Variants in SIN3B observed in about 807,000 individuals in gnomAD.
SIN3B encodes paired amphipathic helix protein Sin3b.
SIN3B carries 19 observed loss-of-function variants against 120.2 expected under a neutral mutation model. The observed-to-expected ratio is 0.16, with a 90% CI of 0.11 to 0.23. The LOEUF is 0.23. SIN3B is among the 10% of genes least tolerant of loss of function. The probability of loss-of-function intolerance (pLI) is 1.00; values close to 1 mark genes in which losing one functional copy is unlikely to be tolerated. For missense variants in SIN3B, 1,073 were observed against 1,573.0 expected, an observed-to-expected ratio of 0.68 and a Z score of 5.38; for synonymous variants, 654 against 653.2, an observed-to-expected ratio of 1.00 and a Z score of -0.02.
intron 9 of SIN3B, chr19:16,863,322 G>GGCGA: frequency 2.8e-6 from 1 of 360,194 alleles, no homozygotes; most frequent in Non-Finnish European, 5.0e-6. Context: ...TTTTAAGAAT[G>GGCGA]CAGTGTAACA....
chr19:16,865,724 C>G, intron 11 of SIN3B, 76 bp downstream of exon 11: 1 of 1,011,328 alleles, frequency 9.9e-7, no homozygotes, highest in South Asian at 1.5e-5. Context: ...CCCCTCCCCA[C>G]TGCAGGGAGC....
chr19:16,875,853 TGTTTGGTCTGGTCTGGTCTG>T, intron 14 of SIN3B, 182 bp from the exon 15 acceptor site: 1 of 619,382 alleles, frequency 1.6e-6, no homozygotes, highest in Non-Finnish European at 2.8e-6. Flanking sequence ...TGGTCTGGTC[TGTTTGGTCTGGTCTGGTCTG>T]GTCTGGTCTG....
At chr19:16,839,362 A>T (rs1351087677) in intron 3 of SIN3B, among the ~76,000 whole-genome samples, 1 of 152,080 alleles carries the variant, frequency 6.6e-6, no homozygotes, top group Non-Finnish European at 1.5e-5. Flanking sequence ...CAATAATTCC[A>T]TGGTCAACCT....
At chr19:16,866,953 C>T (rs1971783763) in intron 12 of SIN3B, among the ~76,000 whole-genome samples, 1 of 152,170 alleles carries the variant, frequency 6.6e-6, no homozygotes, top group African/African-American at 2.4e-5. Context: ...GATGGGTTTT[C>T]ACCATGTTGG....
chr19:16,832,323 G>A (rs1352296351), intron 3 of SIN3B, among the ~76,000 whole-genome samples: 3 of 149,106 alleles, frequency 2.0e-5, no homozygotes, highest in African/African-American at 7.4e-5. Context: ...TCAGCCTCCC[G>A]AGTAGCTGGG....
intron 12 of SIN3B, among the ~76,000 whole-genome samples, chr19:16,868,922 G>A (rs148762696): frequency 2.6e-5 from 4 of 152,242 alleles, no homozygotes; most frequent in Non-Finnish European, 5.9e-5. Flanking sequence ...GTGAGCAGTT[G>A]CAGGCCTTCC....
chr19:16,852,105 G>A (rs565150398), intron 6 of SIN3B, among the ~76,000 whole-genome samples: 5 of 152,258 alleles, frequency 3.3e-5, no homozygotes, highest in South Asian at 2.1e-4. Context: ...TTGGGCCAGC[G>A]GGGTCCCTTT....
At chr19:16,840,367 A>G (rs1431194940) in intron 3 of SIN3B, among the ~76,000 whole-genome samples, 1 of 152,170 alleles carries the variant, frequency 6.6e-6, no homozygotes, top group Non-Finnish European at 1.5e-5. Context: ...GGACACAGAC[A>G]GTGGCCACCC....
At chr19:16,868,892 G>T (rs1971816015) in intron 12 of SIN3B, among the ~76,000 whole-genome samples, 1 of 152,164 alleles carries the variant, frequency 6.6e-6, no homozygotes, top group South Asian at 2.1e-4. Context: ...TGGTGACGAT[G>T]GGCGTGCAGG....
chr19:16,856,170 G>T (rs1009187073), intron 8 of SIN3B, among the ~76,000 whole-genome samples: 1 of 152,204 alleles, frequency 6.6e-6, no homozygotes, highest in African/African-American at 2.4e-5. Flanking sequence ...CTCAGGAAGG[G>T]GCTGGGACTG....
At chr19:16,834,043 G>T (rs1971314022) in intron 3 of SIN3B, among the ~76,000 whole-genome samples, 1 of 152,054 alleles carries the variant, frequency 6.6e-6, no homozygotes, top group African/African-American at 2.4e-5. Context: ...GCTTTAAAGG[G>T]GAACTTGGAA....
intron 3 of SIN3B, among the ~76,000 whole-genome samples, chr19:16,834,796 G>T (rs1193453070): frequency 6.6e-6 from 1 of 152,104 alleles, no homozygotes; most frequent in Non-Finnish European, 1.5e-5. Flanking sequence ...CATGACTCGC[G>T]TGGCTTCAGG....
At chr19:16,851,638 G>A (rs1971547734) in intron 6 of SIN3B, 104 bp downstream of exon 6, 35 of 1,413,202 alleles carry the variant, frequency 2.5e-5, no homozygotes, top group Non-Finnish European at 3.2e-5. Flanking sequence ...GGGGTTCGGG[G>A]CTGGACCGGG....
chr19:16,868,644 G>A (rs1032637482), intron 12 of SIN3B, among the ~76,000 whole-genome samples: 2 of 152,220 alleles, frequency 1.3e-5, no homozygotes, highest in Admixed American at 6.5e-5. Flanking sequence ...GGAGCTTGGC[G>A]CGGTGAGGCT....
intron 4 of SIN3B, among the ~76,000 whole-genome samples, chr19:16,842,799 C>T (rs1029858097): frequency 7.2e-5 from 11 of 152,152 alleles, no homozygotes; most frequent in African/African-American, 2.4e-4. Context: ...TGATTCCCAG[C>T]CCGGTTCCCA....
rs2051610860 is a variant in SIN3B at position 16,876,547 on chromosome 19, A to C, written c.2828A>C (p.Glu943Ala). 1.9e-6 allele frequency: 3 copies of C among 1,613,496 alleles called. No homozygotes were observed. Among genetic ancestry groups the C allele is most frequent in the South Asian group, 1.1e-5 (1 of 91,090 alleles). The change falls in exon 16 of 19, where the codon GAG becomes GCG. Residue 943 changes from glutamate to alanine, a missense_variant. By Grantham distance (107) the Glu-to-Ala change is moderately radical. Coordinates refer to ENST00000248054, the MANE Select transcript of SIN3B (RefSeq NM_001297595.2). This position sits in a 1 kb window ranked among gnomAD's most constrained non-coding sequence, Gnocchi z 7.1. ...IMTIELLDTE[E>A]AQTEDPVEVQ... ...ACCATCGAGCTCCTGGACACCGAGGAGGCCCAGACGGAGGACCCTGTGGAG... is the reference window on the plus strand; with the variant it reads ...ACCATCGAGCTCCTGGACACCGAGGCGGCCCAGACGGAGGACCCTGTGGAG...
Position 16,862,844 on chromosome 19 carries a change from T to A in SIN3B, c.1266+285T>A, listed in dbSNP as rs780284667. Reference sequence around the variant, plus strand: ...AGGTTTATTGCTGCCATGATTCTGCTCTGTCCCGGGCTCACTGACCTCAGT... The same window carrying A: ...AGGTTTATTGCTGCCATGATTCTGCACTGTCCCGGGCTCACTGACCTCAGT... On this transcript the variant is annotated intron_variant, in intron 9 of 18. Transcript: ENST00000248054. This position sits in a 1 kb window ranked among gnomAD's most constrained non-coding sequence, Gnocchi z 4.7. 1 of 1,471,328 alleles carries A rather than the reference T, an allele frequency of 6.8e-7. No homozygotes were observed. The highest frequency in any genetic ancestry group is 1.7e-5 in the Admixed American group (1 of 59,530). The allele number at this position is 1,471,328 out of a possible 1,614,324, so 91.1% of individuals were successfully genotyped here.
At chr19:16,855,384 C>G (rs912704763) in intron 8 of SIN3B, 2 of 127,544 alleles carry the variant, frequency 1.6e-5, no homozygotes, top group Admixed American at 7.5e-5. Context: ...CCCCCCCCCC[C>G]CAGCAAAATT....
chr19:16,854,569 C>CT, intron 8 of SIN3B: 1 of 237,686 alleles, frequency 4.2e-6, no homozygotes, highest in Non-Finnish European at 8.2e-6. Flanking sequence ...AGAAGACATT[C>CT]ATTTCTGGTC....
Sources: allele counts gnomAD v4.1 joint callset (sites outside exome capture counted in the v4.1 genomes callset), GRCh38; gene constraint gnomAD v4.1.1; non-coding constraint Gnocchi (gnomAD v3.1); transcripts MANE v1.5; gene names NCBI Gene and HGNC (gene_info 2026-07-23, HGNC 2026-07-21).